The following CNTN5 variants were observed in gnomAD, a reference collection of about 807,000 sequenced individuals.
CNTN5 encodes contactin-5.
A neutral mutation model predicts 129.1 loss-of-function variants in CNTN5; 77 were observed. The ratio of observed to expected loss-of-function variants is 0.60; its 90% CI spans 0.50 to 0.72. The LOEUF (loss-of-function observed/expected upper bound fraction) is 0.72, where lower values mean the gene tolerates loss of function less well. CNTN5 is among the 30% of genes least tolerant of loss of function. CNTN5 has a pLI of 0.00. For synonymous variants in CNTN5, 509 were observed against 465.6 expected (o/e 1.09, Z -1.20); for missense variants, 1,478 against 1,328.8 (o/e 1.11, Z -1.75).
chr11:99,528,568 C>G (rs547672099), intron 2 of CNTN5, among the ~76,000 whole-genome samples: 2 of 152,166 alleles, frequency 1.3e-5, no homozygotes, highest in African/African-American at 4.8e-5. Flanking sequence ...TCTTGAGAAA[C>G]TTTATCTTTC....
At chr11:99,509,777 T>G (rs77853446) in intron 2 of CNTN5, among the ~76,000 whole-genome samples, 8,804 of 152,060 alleles carry the variant, frequency 0.058, 262 homozygotes, top group South Asian at 0.079. Flanking sequence ...TAGGGGTAAT[T>G]TCCTTAATAC....
rs190909299 is a variant in CNTN5, at chr11:100,104,029, G to A, written c.1580+29735G>A. 5.3e-5 allele frequency among the ~76,000 whole-genome samples: 8 copies of A among 151,426 alleles called. No homozygotes were observed. The East Asian group carries it at 1.5e-3, about 29-fold the overall frequency. The stretch of plus-strand genomic sequence containing the variant: ...AGAATGGAAATTTGTTAAATTATCT[G>A]CTTCTCACATATTATTTTAAAACAA... On this transcript the variant is annotated intron_variant, in intron 13 of 24. Coordinates refer to ENST00000524871, the MANE Select transcript of CNTN5 (RefSeq NM_014361.4).
At chr11:99,784,116 A>G (rs1945421297) in intron 3 of CNTN5, among the ~76,000 whole-genome samples, 1 of 152,106 alleles carries the variant, frequency 6.6e-6, no homozygotes, top group Non-Finnish European at 1.5e-5. Context: ...AAATCCCTGA[A>G]AGTCATCAGT....
intron 21 of CNTN5, chr11:100,309,491 A>G: frequency 1.0e-6 from 1 of 968,570 alleles, no homozygotes; most frequent in Non-Finnish European, 1.2e-6. Context: ...CTTATACAAT[A>G]TCATGGACTT....
At chr11:99,972,135 C>T (rs1177073871) in intron 8 of CNTN5, among the ~76,000 whole-genome samples, 1 of 147,450 alleles carries the variant, frequency 6.8e-6, no homozygotes, top group African/African-American at 2.5e-5. Context: ...GTGGCGGGTG[C>T]CTGTAGTCCC....
intron 2 of CNTN5, among the ~76,000 whole-genome samples, chr11:99,523,714 T>G (rs72993124): frequency 1.0e-5 from 1 of 96,762 alleles, no homozygotes; most frequent in Non-Finnish European, 2.6e-5. Context: ...CAGAATAGAA[T>G]AGAATAGAAT....
At chr11:99,092,085 A>T (rs1456667051) in intron 1 of CNTN5, among the ~76,000 whole-genome samples, 14 of 152,164 alleles carry the variant, frequency 9.2e-5, no homozygotes, top group Non-Finnish European at 1.8e-4. Context: ...TACATGAGAA[A>T]GAAAGAAAAT....
intron 3 of CNTN5, among the ~76,000 whole-genome samples, chr11:99,801,676 G>A (rs75194356): frequency 0.039 from 5,858 of 151,882 alleles, 145 homozygotes; most frequent in South Asian, 0.098. Flanking sequence ...TGAAAAGATC[G>A]GTTTAAGCTG....
At chr11:100,025,342 A>G (rs1941364108) in intron 9 of CNTN5, among the ~76,000 whole-genome samples, 1 of 152,218 alleles carries the variant, frequency 6.6e-6, no homozygotes, top group South Asian at 2.1e-4. Context: ...AGGATTTATG[A>G]AAATGCCTAG....
intron 13 of CNTN5, among the ~76,000 whole-genome samples, chr11:100,080,008 G>C (rs1259512768): frequency 6.6e-6 from 1 of 152,130 alleles, no homozygotes; most frequent in African/African-American, 2.4e-5. Flanking sequence ...TGTGGACAAA[G>C]ACAATCTTAG....
intron 2 of CNTN5, among the ~76,000 whole-genome samples, chr11:99,523,650 A>AGAATG (rs1947363448): frequency 1.2e-5 from 1 of 83,830 alleles, no homozygotes; most frequent in African/African-American, 5.6e-5. Flanking sequence ...AGAATAGAAT[A>AGAATG]GAACAGAACA....
chr11:99,884,404 G>A (rs552832271), intron 6 of CNTN5, among the ~76,000 whole-genome samples: 12 of 152,206 alleles, frequency 7.9e-5, no homozygotes, highest in African/African-American at 2.9e-4. Context: ...ATTGACCAAA[G>A]AGATTTGAAA....
intron 15 of CNTN5, among the ~76,000 whole-genome samples, chr11:100,224,223 G>A (rs775607683): frequency 6.6e-6 from 1 of 152,110 alleles, no homozygotes; most frequent in Non-Finnish European, 1.5e-5. Context: ...GTCTCATTCT[G>A]TTGCCTACAG....
At chr11:99,876,138 T>C (rs772987560) in intron 6 of CNTN5, among the ~76,000 whole-genome samples, 21 of 152,160 alleles carry the variant, frequency 1.4e-4, no homozygotes, top group Non-Finnish European at 2.4e-4. Flanking sequence ...TAGAATACTC[T>C]GTAACTTTCA....
At chr11:99,279,619 T>A (rs1449292218) in intron 1 of CNTN5, among the ~76,000 whole-genome samples, 2 of 151,784 alleles carry the variant, frequency 1.3e-5, no homozygotes, top group Non-Finnish European at 2.9e-5. Context: ...ATGGTTGTCA[T>A]TAAACCATTC....
chr11:99,915,159 A>C (rs1949755167), intron 6 of CNTN5, among the ~76,000 whole-genome samples: 1 of 152,094 alleles, frequency 6.6e-6, no homozygotes, highest in Non-Finnish European at 1.5e-5. Context: ...TTTATTTATA[A>C]AAATATTGAA....
At chr11:99,852,707 G>T (rs1027138243) in intron 6 of CNTN5, among the ~76,000 whole-genome samples, 1 of 152,106 alleles carries the variant, frequency 6.6e-6, no homozygotes, top group Admixed American at 6.5e-5. Context: ...TTGGCACAGG[G>T]TATATTTTAT....
At chr11:99,476,991 T>G (rs1467347120) in intron 2 of CNTN5, among the ~76,000 whole-genome samples, 2 of 151,980 alleles carry the variant, frequency 1.3e-5, no homozygotes, top group Non-Finnish European at 2.9e-5. Context: ...TTTGCTTTTT[T>G]CTTACCATCT....
At chr11:100,013,304 T>C (rs1248392319) in intron 9 of CNTN5, among the ~76,000 whole-genome samples, 1 of 152,160 alleles carries the variant, frequency 6.6e-6, no homozygotes, top group Non-Finnish European at 1.5e-5. Context: ...TATAGCCATG[T>C]AACCAAACTG....
Sources: gnomAD v4.1 joint callset for allele counts (sites outside exome capture counted in the v4.1 genomes callset) on GRCh38, gnomAD v4.1.1 for gene constraint, MANE v1.5 for transcripts, NCBI Gene and HGNC (gene_info 2026-07-23, HGNC 2026-07-21) for gene names.